PLCB4: variants seen among roughly 807,000 people sequenced by gnomAD.
PLCB4 encodes 1-phosphatidylinositol 4,5-bisphosphate phosphodiesterase beta-4.
PLCB4 carries 77 observed loss-of-function variants against 178.8 expected under a neutral mutation model. That is an observed-to-expected ratio of 0.43 (90% CI 0.36 to 0.52). PLCB4 has a LOEUF of 0.52. PLCB4 is among the 20% of genes least tolerant of loss of function. The pLI, the probability that PLCB4 is intolerant of heterozygous loss-of-function variation, is 0.00. For missense variants in PLCB4, 1,024 were observed against 1,453.4 expected (o/e 0.70, Z 4.80); for synonymous variants, 496 against 490.8 (o/e 1.01, Z -0.14).
chr20:9,089,474 A>G (rs2090581119), intron 1 of PLCB4, among the ~76,000 whole-genome samples: 2 of 152,122 alleles, frequency 1.3e-5, no homozygotes, highest in Non-Finnish European at 2.9e-5. Context: ...AGAATGAGAA[A>G]CACCAGATTG....
intron 2 of PLCB4, among the ~76,000 whole-genome samples, chr20:9,145,965 TGAG>T (rs2092591199): frequency 2.0e-5 from 3 of 152,194 alleles, no homozygotes; most frequent in Admixed American, 2.0e-4. Flanking sequence ...GGTTAAGCAA[TGAG>T]GAAGAATTTC....
At chr20:9,418,996 TTA>T (rs949672076) in intron 25 of PLCB4, among the ~76,000 whole-genome samples, 2 of 152,180 alleles carry the variant, frequency 1.3e-5, no homozygotes, top group Admixed American at 1.3e-4. Context: ...AATTGACTTT[TTA>T]TATGTTTATC....
intron 2 of PLCB4, among the ~76,000 whole-genome samples, chr20:9,106,905 A>G (rs567033328): frequency 6.6e-6 from 1 of 152,328 alleles, no homozygotes; most frequent in East Asian, 1.9e-4. Flanking sequence ...AATATCCTCC[A>G]GTAGGGTTAT....
chr20:9,175,995 TC>T (rs1230726264), intron 2 of PLCB4, among the ~76,000 whole-genome samples: 1 of 152,154 alleles, frequency 6.6e-6, no homozygotes, highest in Non-Finnish European at 1.5e-5. Flanking sequence ...GAAAGCTTGT[TC>T]CAGTCTTCTT....
chr20:9,090,820 G>A (rs1162172022), intron 1 of PLCB4, among the ~76,000 whole-genome samples: 1 of 152,234 alleles, frequency 6.6e-6, no homozygotes, highest in Non-Finnish European at 1.5e-5. Flanking sequence ...ATTTCACTGA[G>A]ATGTTTACTG....
At chr20:9,235,984 A>G (rs1034903659) in intron 3 of PLCB4, among the ~76,000 whole-genome samples, 4 of 152,198 alleles carry the variant, frequency 2.6e-5, no homozygotes, top group Non-Finnish European at 4.4e-5. Context: ...TGTGCAAATC[A>G]TAAGGGGATA....
At chr20:9,462,371 G>A (rs183256792) in intron 35 of PLCB4, among the ~76,000 whole-genome samples, 12 of 152,264 alleles carry the variant, frequency 7.9e-5, no homozygotes, top group African/African-American at 2.2e-4. Context: ...CCAAAGGATC[G>A]CAGCTCCTTG....
intron 4 of PLCB4, among the ~76,000 whole-genome samples, chr20:9,323,937 T>C (rs2029913992): frequency 6.6e-6 from 1 of 152,182 alleles, no homozygotes; most frequent in African/African-American, 2.4e-5. Flanking sequence ...CTCAGGTGTT[T>C]GTTCTGAGGT....
At chr20:9,435,709 T>C (rs961080026) in intron 29 of PLCB4, 61 bp downstream of exon 29, 5 of 966,826 alleles carry the variant, frequency 5.2e-6, no homozygotes, top group Non-Finnish European at 8.2e-6. Context: ...TCAAACAGTG[T>C]TTACAAAAAC....
At chr20:9,314,872 ATTTTTT>A (rs113478542) in intron 4 of PLCB4, among the ~76,000 whole-genome samples, 144 of 141,268 alleles carry the variant, frequency 1.0e-3, no homozygotes, top group Non-Finnish European at 1.9e-3. Flanking sequence ...GGGTAGAGGA[ATTTTTT>A]TTTTTTTTTT....
intron 1 of PLCB4, among the ~76,000 whole-genome samples, chr20:9,079,091 A>G (rs2090020560): frequency 6.6e-6 from 1 of 152,218 alleles, no homozygotes; most frequent in African/African-American, 2.4e-5. Context: ...TGCATATTCA[A>G]GAAAGTCTGT....
At chr20:9,323,279 C>T (rs905274545) in intron 4 of PLCB4, among the ~76,000 whole-genome samples, 2 of 152,206 alleles carry the variant, frequency 1.3e-5, no homozygotes, top group Non-Finnish European at 2.9e-5. Context: ...ATATCACATT[C>T]TCCAAGAGGC....
intron 36 of PLCB4, among the ~76,000 whole-genome samples, chr20:9,470,529 G>T (rs190768993): frequency 7.9e-5 from 12 of 152,284 alleles, no homozygotes; most frequent in Non-Finnish European, 1.8e-4. Context: ...CATGACAAAT[G>T]TGCCAATTAA....
chr20:9,444,904 C>G (rs1351103661), intron 32 of PLCB4, among the ~76,000 whole-genome samples: 1 of 152,184 alleles, frequency 6.6e-6, no homozygotes, highest in Admixed American at 6.5e-5. Flanking sequence ...GAGGGAGATG[C>G]TAGCAATCTG....
At chr20:9,213,906 T>C (rs527504644) in intron 2 of PLCB4, among the ~76,000 whole-genome samples, 1 of 152,366 alleles carries the variant, frequency 6.6e-6, no homozygotes, top group South Asian at 2.1e-4. Context: ...CCCTAATGGT[T>C]AAGTATCTTT....
At chr20:9,234,641 T>C (rs2093972783) in intron 3 of PLCB4, among the ~76,000 whole-genome samples, 1 of 152,100 alleles carries the variant, frequency 6.6e-6, no homozygotes, top group Admixed American at 6.5e-5. Flanking sequence ...CTGGAGATCA[T>C]TGAGGACCTT....
intron 2 of PLCB4, among the ~76,000 whole-genome samples, chr20:9,105,382 G>C (rs2091323488): frequency 6.6e-6 from 1 of 152,062 alleles, no homozygotes; most frequent in African/African-American, 2.4e-5. Flanking sequence ...TGGAAAGCCA[G>C]ATTCAGTGTA....
At chr20:9,329,912 A>T (rs913835279) in intron 4 of PLCB4, among the ~76,000 whole-genome samples, 1 of 152,212 alleles carries the variant, frequency 6.6e-6, no homozygotes, top group Non-Finnish European at 1.5e-5. Flanking sequence ...GGGTAAAAGC[A>T]ACTTAATAAG....
At chr20:9,364,365 A>T (rs1271079862) in intron 8 of PLCB4, among the ~76,000 whole-genome samples, 1 of 152,216 alleles carries the variant, frequency 6.6e-6, no homozygotes, top group Non-Finnish European at 1.5e-5. Flanking sequence ...GTGTTCACCC[A>T]GCCATCATCT....
Sources: gnomAD v4.1 joint callset for allele counts (sites outside exome capture counted in the v4.1 genomes callset) on GRCh38, gnomAD v4.1.1 for gene constraint, MANE v1.5 for transcripts, NCBI Gene and HGNC (gene_info 2026-07-23, HGNC 2026-07-21) for gene names.